Variants in CCDC7 observed in about 807,000 individuals in gnomAD.
CCDC7 encodes the protein coiled-coil domain-containing protein 7.
A neutral mutation model predicts 196.9 loss-of-function variants in CCDC7; 183 were observed. That is an observed-to-expected ratio of 0.93 (90% CI 0.82 to 1.05). The LOEUF is 1.05. Ranked by LOEUF, CCDC7 falls within the 50% of genes least tolerant of loss-of-function variation. The pLI, the probability that CCDC7 is intolerant of heterozygous loss-of-function variation, is 0.00. For synonymous variants in CCDC7, 525 were observed against 484.6 expected (o/e 1.08, Z -1.10); for missense variants, 1,540 against 1,482.2 (o/e 1.04, Z -0.64).
At position 32,453,437 on chromosome 10, in the gene CCDC7, G is replaced by A; in HGVS notation, c.372+1G>A. 6.6e-7 allele frequency: 1 copy of A among 1,519,956 alleles called. No individual in the cohort carries two copies. Among genetic ancestry groups the A allele is most frequent in the Admixed American group, 2.0e-5 (1 of 50,538 alleles). 94.2% of individuals were successfully genotyped at this position (1,519,956 alleles called of 1,614,324 possible). A position where few individuals can be genotyped will look rare whatever the true frequency, so the allele number is the denominator to read the frequency against. On this transcript the variant is annotated splice_donor_variant, in intron 2 of 41. Coordinates refer to ENST00000639629, the Ensembl canonical transcript of CCDC7. LOFTEE classifies it high-confidence loss of function. ...TGAACATGAAGAATTATCTTTATCTGTAAGTATATGCAACCCTAATATAGA... is the reference window on the plus strand; with the variant it reads ...TGAACATGAAGAATTATCTTTATCTATAAGTATATGCAACCCTAATATAGA...
At chr10:32,555,266 A>C (rs935177182) in intron 13 of CCDC7, among the ~76,000 whole-genome samples, 6 of 136,448 alleles carry the variant, frequency 4.4e-5, no homozygotes, top group Non-Finnish European at 9.3e-5. Context: ...TTTTTTTTTG[A>C]GATGGAGTCT....
At chr10:32,621,087 G>A (rs2063357752) in intron 18 of CCDC7, among the ~76,000 whole-genome samples, 1 of 152,104 alleles carries the variant, frequency 6.6e-6, no homozygotes, top group African/African-American at 2.4e-5. Flanking sequence ...GATTGTTTCA[G>A]TGTAATTACT....
rs543373622 is a variant in CCDC7, at chr10:32,837,629, T to C, written c.3352+2731T>C. 2.0e-5 allele frequency among the ~76,000 whole-genome samples: 3 copies of C among 152,154 alleles called. No individual in the cohort carries two copies. The East Asian group carries it at 5.8e-4, about 29-fold the overall frequency. ...TGCTATAAAGACACATGCACATGTA[T>C]GTTTATTGCGGCACTATTCACAATA... On this transcript the variant is annotated intron_variant, in intron 33 of 41. Transcript: ENST00000639629.
chr10:32,747,456 C>A (rs2074967934), intron 28 of CCDC7, among the ~76,000 whole-genome samples: 1 of 152,092 alleles, frequency 6.6e-6, no homozygotes, highest in Admixed American at 6.5e-5. Flanking sequence ...AGAATATGCA[C>A]AAACTATGCA....
chr10:32,879,265 GCAGGA>G (rs975130006), downstream of CCDC7, among the ~76,000 whole-genome samples: 17 of 152,102 alleles, frequency 1.1e-4, no homozygotes, highest in Non-Finnish European at 1.8e-4. Context: ...TGCATCCATA[GCAGGA>G]CAAGTTTCCT....
At chr10:32,519,392 G>T (rs192710169) in intron 11 of CCDC7, among the ~76,000 whole-genome samples, 60 of 152,242 alleles carry the variant, frequency 3.9e-4, no homozygotes, top group Non-Finnish European at 7.5e-4. Context: ...GGATGTTGCA[G>T]CAGTTTCTGG....
At chr10:32,686,681 A>C (rs1304051737) in intron 22 of CCDC7, among the ~76,000 whole-genome samples, 2 of 152,226 alleles carry the variant, frequency 1.3e-5, no homozygotes, top group African/African-American at 4.8e-5. Flanking sequence ...GTTGTAATAG[A>C]GAGGGACCAT....
chr10:32,532,507 C>T (rs866715399), intron 11 of CCDC7, among the ~76,000 whole-genome samples: 10 of 152,112 alleles, frequency 6.6e-5, no homozygotes, highest in Admixed American at 1.3e-4. Context: ...GTGTATTCTG[C>T]GGCAGTTGGG....
chr10:32,786,285 G>A (rs117163472), intron 29 of CCDC7, among the ~76,000 whole-genome samples: 5,156 of 152,210 alleles, frequency 0.034, 133 homozygotes, highest in Admixed American at 0.049. Flanking sequence ...ACCTGGGGAA[G>A]GGAGAAAAGA....
intron 11 of CCDC7, among the ~76,000 whole-genome samples, chr10:32,525,059 G>T (rs1037552469): frequency 2.0e-5 from 3 of 147,164 alleles, no homozygotes; most frequent in Admixed American, 6.8e-5. Context: ...TTCATTGTGT[G>T]TTTTTTTTTT....
chr10:32,648,297 C>T (rs1294413741), intron 20 of CCDC7, among the ~76,000 whole-genome samples: 9 of 151,894 alleles, frequency 5.9e-5, no homozygotes, highest in Non-Finnish European at 4.4e-5. Flanking sequence ...CTTAGTATTG[C>T]TTTGGTTATT....
At chr10:32,532,643 A>G (rs1286861707) in intron 11 of CCDC7, among the ~76,000 whole-genome samples, 1 of 152,126 alleles carries the variant, frequency 6.6e-6, no homozygotes, top group Non-Finnish European at 1.5e-5. Flanking sequence ...TTTGCTTTAT[A>G]TATCTGGGAG....
chr10:32,556,722 G>A (rs1332244261), intron 13 of CCDC7, among the ~76,000 whole-genome samples: 1 of 152,128 alleles, frequency 6.6e-6, no homozygotes, highest in African/African-American at 2.4e-5. Flanking sequence ...GAACTTTTAA[G>A]TTAAAAAAGT....
At chr10:32,567,591 A>G in intron 14 of CCDC7, 79 bp from the exon 16 acceptor site, 4 of 1,444,462 alleles carry the variant, frequency 2.8e-6, no homozygotes, top group South Asian at 2.8e-5. Flanking sequence ...GCGTAAATAT[A>G]TGTAGATTCC....
chr10:32,790,902 A>T (rs1458457734), intron 29 of CCDC7, among the ~76,000 whole-genome samples: 1 of 152,162 alleles, frequency 6.6e-6, no homozygotes, highest in African/African-American at 2.4e-5. Context: ...TTTTACAGCC[A>T]CTTCAATCCT....
chr10:32,669,536 T>A (rs1334744434), intron 21 of CCDC7, among the ~76,000 whole-genome samples: 1 of 152,142 alleles, frequency 6.6e-6, no homozygotes, highest in Non-Finnish European at 1.5e-5. Context: ...ATAGAATAGT[T>A]TATATTAGTG....
At chr10:32,820,892 G>T (rs1022862551) in intron 31 of CCDC7, among the ~76,000 whole-genome samples, 38 of 152,224 alleles carry the variant, frequency 2.5e-4, no homozygotes, top group African/African-American at 8.7e-4. Flanking sequence ...ATACCATTCA[G>T]GACATAGGCA....
chr10:32,647,402 G>A (rs563197955), intron 20 of CCDC7, among the ~76,000 whole-genome samples: 4 of 112,138 alleles, frequency 3.6e-5, no homozygotes, highest in Non-Finnish European at 2.0e-5. Flanking sequence ...CCAGCTACCT[G>A]GGAGGCTCAG....
rs116680681 is a variant in CCDC7 at position 32,741,765 on chromosome 10, A to G, written c.2905+12308A>G. Among the ~76,000 whole-genome samples the G allele has an allele frequency of 5.0e-3, 762 of 152,302 alleles. 1 individual carries two copies. Among genetic ancestry groups the G allele is most frequent in the African/African-American group, 0.017 (716 of 41,566 alleles). On this transcript the variant is annotated intron_variant, in intron 28 of 41. Transcript: ENST00000639629. ...GTTTGTTTCATCAATTATTGAAAGAATATGTTCAATTCTCCCATTGTGAGT... is the reference window on the plus strand; with the variant it reads ...GTTTGTTTCATCAATTATTGAAAGAGTATGTTCAATTCTCCCATTGTGAGT...
Sources: allele counts gnomAD v4.1 joint callset (sites outside exome capture counted in the v4.1 genomes callset), GRCh38; gene constraint gnomAD v4.1.1; transcripts MANE v1.5; gene names NCBI Gene and HGNC (gene_info 2026-07-23, HGNC 2026-07-21).